Variants in GTF3C5 observed in about 807,000 individuals in gnomAD.
GTF3C5 encodes the protein general transcription factor IIIC subunit 5, also known as general transcription factor 3C polypeptide 5.
Under a neutral mutation model 61.0 loss-of-function variants are expected in GTF3C5, and 47 were observed. The ratio of observed to expected loss-of-function variants is 0.77; its 90% CI spans 0.61 to 0.98. The LOEUF is 0.98. Among genes scored for constraint, GTF3C5 ranks in the 50% least tolerant of loss-of-function variants. The pLI, the probability that GTF3C5 is intolerant of heterozygous loss-of-function variation, is 0.00. For synonymous variants in GTF3C5, 295 were observed against 275.4 expected, an observed-to-expected ratio of 1.07 and a Z score of -0.71; for missense variants, 659 against 703.3, an observed-to-expected ratio of 0.94 and a Z score of 0.71.
chr9:133,040,457 TC>T (rs1850004330), intron 1 of GTF3C5, among the ~76,000 whole-genome samples: 2 of 152,214 alleles, frequency 1.3e-5, no homozygotes, highest in African/African-American at 4.8e-5. Context: ...ATATTGAATG[TC>T]TACCATGAGT....
At chr9:133,054,302 C>A in intron 6 of GTF3C5, 106 bp from the exon 7 acceptor site, 1 of 903,276 alleles carries the variant, frequency 1.1e-6, no homozygotes, top group South Asian at 1.4e-5. Context: ...GTTGCCCTCT[C>A]AGGAGCTGGC....
chr9:133,049,133 C>T (rs1850296787), intron 3 of GTF3C5, among the ~76,000 whole-genome samples: 1 of 152,190 alleles, frequency 6.6e-6, no homozygotes, highest in Non-Finnish European at 1.5e-5. Flanking sequence ...CAGCACCCTT[C>T]GACCCCTGCC....
Position 133,057,969 on chromosome 9 carries a change from G to C in GTF3C5, c.1549G>C (p.Asp517His). 6.2e-7 allele frequency: 1 copy of C among 1,613,894 alleles called. No individual in the cohort carries two copies. The highest frequency in any genetic ancestry group is 8.5e-7 in the Non-Finnish European group (1 of 1,180,002). Residue 517 changes from aspartate (D) to histidine (H), a missense_variant, in exon 11 of 11, where the codon GAC (aspartate) becomes CAC (histidine). Transcript: ENST00000372097. ...AAACGAAATGGAGACAGAGATTCTG[G>C]ACTACGTGTGACAGGGCCCAAGGCT... is the stretch of plus-strand genomic sequence containing the variant. ...SENEMETEILDYV is the reference protein window; with the variant it reads ...SENEMETEILHYV
At chr9:133,048,667 C>T (rs1850279796) in intron 3 of GTF3C5, among the ~76,000 whole-genome samples, 1 of 152,158 alleles carries the variant, frequency 6.6e-6, no homozygotes, top group Non-Finnish European at 1.5e-5. Context: ...GAAACTCCAT[C>T]TCAAAAAAAA....
At chr9:133,051,893 ATT>A in intron 4 of GTF3C5, 165 bp from the exon 5 acceptor site, 4 of 471,810 alleles carry the variant, frequency 8.5e-6, no homozygotes, top group Non-Finnish European at 1.5e-5. Context: ...GAAGGGATGA[ATT>A]AGTGAGAGCA....
At chr9:133,055,119 C>G (rs939034630) in intron 8 of GTF3C5, 10 of 1,549,434 alleles carry the variant, frequency 6.5e-6, no homozygotes, top group African/African-American at 1.4e-5. Flanking sequence ...AGCCACGTGA[C>G]CACTCCGGGA....
chr9:133,045,208 G>A (rs987685608), intron 3 of GTF3C5, among the ~76,000 whole-genome samples: 5 of 152,144 alleles, frequency 3.3e-5, no homozygotes, highest in Non-Finnish European at 7.3e-5. Context: ...GTTATTTCAC[G>A]TCCCTGTGCA....
In GTF3C5 at chr9:133,037,143, T is replaced by A. The variant is rs184946421; in HGVS notation, c.154-4944T>A. ...TCGATACTGTTGCTTCCGTCCGGAATGGGGATCTTTCCATTCGCAAGCAAA... is the reference window on the plus strand; with the variant it reads ...TCGATACTGTTGCTTCCGTCCGGAAAGGGGATCTTTCCATTCGCAAGCAAA... On this transcript the variant is annotated intron_variant, in intron 1 of 10. Transcript: ENST00000372097. Among the ~76,000 whole-genome samples the A allele has an allele frequency of 1.6e-3, 242 of 152,244 alleles. 1 individual carries two copies. Among genetic ancestry groups the A allele is most frequent in the African/African-American group, 5.6e-3 (232 of 41,512 alleles).
chr9:133,050,754 C>T (rs771075616), intron 3 of GTF3C5, 29 bp from the exon 4 acceptor site: 3 of 1,555,322 alleles, frequency 1.9e-6, no homozygotes, highest in East Asian at 4.7e-5. Context: ...CTTGGTGCTC[C>T]TGTTCTCACC....
intron 1 of GTF3C5, among the ~76,000 whole-genome samples, chr9:133,037,648 A>C (rs564872622): frequency 6.6e-6 from 1 of 152,198 alleles, no homozygotes; most frequent in South Asian, 2.1e-4. Context: ...CTAACATGTA[A>C]ACCTATACCT....
At chr9:133,053,682 G>A (rs1261530660) in intron 5 of GTF3C5, 146 bp from the exon 6 acceptor site, 1 of 496,670 alleles carries the variant, frequency 2.0e-6, no homozygotes, top group African/African-American at 1.9e-5. Flanking sequence ...CAAGGTGACA[G>A]GGCCTGCATG....
intron 5 of GTF3C5, 61 bp downstream of exon 5, chr9:133,052,225 CTG>C: frequency 1.1e-6 from 1 of 889,072 alleles, no homozygotes; most frequent in Non-Finnish European, 1.9e-6. Context: ...CTGGTCCCTG[CTG>C]TGATGTCTTA....
At position 133,042,321 on chromosome 9, in the gene GTF3C5, C is replaced by T. The variant is rs1274437167; in HGVS notation, c.373+15C>T. 1 of 1,503,050 alleles carries T rather than the reference C, an allele frequency of 6.7e-7. No homozygotes were observed. Among genetic ancestry groups the T allele is most frequent in the South Asian group, 1.1e-5 (1 of 88,888 alleles). 93.1% of individuals were successfully genotyped at this position (1,503,050 alleles called of 1,614,324 possible). A position where few individuals can be genotyped will look rare whatever the true frequency, so the allele number is the denominator to read the frequency against. On this transcript the variant is annotated intron_variant, in intron 2 of 10. Transcript: ENST00000372097. ...CAAATTTCAGGGTAACTGAAATCTGCTCTTGCAATGTCTGGTTATTTCAGG... is the reference window on the plus strand; with the variant it reads ...CAAATTTCAGGGTAACTGAAATCTGTTCTTGCAATGTCTGGTTATTTCAGG...
In GTF3C5 at chr9:133,032,210, G is replaced by C. The variant is rs1364367075; in HGVS notation, c.153+1046G>C. ...CCCAAAGTGCTGGGATTATAGGCGTGAGCCACCGTGCCCAGCCTGGAATGG... is the reference window on the plus strand; with the variant it reads ...CCCAAAGTGCTGGGATTATAGGCGTCAGCCACCGTGCCCAGCCTGGAATGG... On this transcript the variant is annotated intron_variant, in intron 1 of 10. Coordinates refer to ENST00000372097, the MANE Select transcript of GTF3C5 (RefSeq NM_012087.4). Among the ~76,000 whole-genome samples, 6 of 152,342 alleles carry C rather than the reference G, an allele frequency of 3.9e-5. No homozygotes were observed. In the East Asian group the frequency reaches 7.7e-4, roughly 20 times the overall value.
At chr9:133,055,509 C>G in intron 8 of GTF3C5, 1 of 1,197,586 alleles carries the variant, frequency 8.4e-7, no homozygotes, top group Non-Finnish European at 1.1e-6. Flanking sequence ...CCTTCCTTCT[C>G]GAGGCCTCTC....
At position 133,058,464 on chromosome 9, in the gene GTF3C5, C is replaced by T. The variant is rs918623304; in HGVS notation, c.*484C>T. 1 of 157,278 alleles carries T rather than the reference C, an allele frequency of 6.4e-6. No individual in the cohort carries two copies. Among genetic ancestry groups the T allele is most frequent in the Non-Finnish European group, 1.4e-5 (1 of 70,642 alleles). The allele number at this position is 157,278 out of a possible 1,614,324, so 9.7% of individuals were successfully genotyped here. Reference sequence around the variant, plus strand: ...TGGCACAGCTTTGGCCACAGCCAGGCCCCTCTGGAATTGTCCTTATTAAAC... The same window carrying T: ...TGGCACAGCTTTGGCCACAGCCAGGTCCCTCTGGAATTGTCCTTATTAAAC... On this transcript the variant is annotated 3_prime_UTR_variant, in exon 11 of 11. Transcript: ENST00000372097.
chr9:133,050,690 T>G, intron 3 of GTF3C5, 93 bp from the exon 4 acceptor site: 1 of 886,582 alleles, frequency 1.1e-6, no homozygotes, highest in Non-Finnish European at 1.8e-6. Flanking sequence ...GCTGTGGGCC[T>G]TGGGGGGTTC....
rs184728334 is a variant in GTF3C5, at chr9:133,058,400, C to G, written c.*420C>G. ...GTGGGGAGCCTCGCCCATGGTCTCA[C>G]GTGGCAAGAAGTGCCTTTAGCTCTG... On this transcript the variant is annotated 3_prime_UTR_variant, in exon 11 of 11. Transcript: ENST00000372097. The G allele has an allele frequency of 2.4e-5, 4 of 166,462 alleles. No individual in the cohort carries two copies. The South Asian group carries it at 5.7e-4, about 24-fold the overall frequency. The allele number at this position is 166,462 out of a possible 1,614,324, so 10.3% of individuals were successfully genotyped here. A position where few individuals can be genotyped will look rare whatever the true frequency, so the allele number is the denominator to read the frequency against.
In GTF3C5 at chr9:133,054,805, T is replaced by G; in HGVS notation, c.1163T>G (p.Leu388Arg). The G allele has an allele frequency of 1.3e-6, 2 of 1,568,284 alleles. No individual in the cohort carries two copies. The highest frequency in any genetic ancestry group is 1.7e-6 in the Non-Finnish European group (2 of 1,157,268). ...AAACCAGCTTCCAGCAAGTACAAGC[T>G]CAAGGTGGGCGCCCCTGGAGGCCAG... The part of the protein sequence containing the change: ...ARKPASSKYK[L>R]KDSVYIFREG... Residue 388 changes from leucine to arginine, a missense_variant, in exon 8 of 11, where the codon CTC (leucine) becomes CGC (arginine). Leu to Arg is a moderately radical substitution (Grantham distance 102). Transcript: ENST00000372097.
Sources: allele counts gnomAD v4.1 joint callset (sites outside exome capture counted in the v4.1 genomes callset), GRCh38; gene constraint gnomAD v4.1.1; transcripts MANE v1.5; gene names NCBI Gene and HGNC (gene_info 2026-07-23, HGNC 2026-07-21).